PACS2: variants seen among roughly 807,000 people sequenced by gnomAD.
The protein encoded by PACS2 is phosphofurin acidic cluster sorting protein 2.
In PACS2, 36 loss-of-function variants were observed where a neutral mutation model predicts 113.0. That is an observed-to-expected ratio of 0.32 (90% CI 0.24 to 0.42). The LOEUF (loss-of-function observed/expected upper bound fraction) is 0.42, where lower values mean the gene tolerates loss of function less well. Ranked by LOEUF, PACS2 falls within the 10% of genes least tolerant of loss-of-function variation. The pLI is 1.00. For missense variants in PACS2, 1,015 were observed against 1,239.5 expected (o/e 0.82, Z 2.72); for synonymous variants, 589 against 536.1 (o/e 1.10, Z -1.36).
rs1375519152 is a variant in PACS2 at position 105,397,926 on chromosome 14, G to A, written c.*3254G>A. Reference sequence around the variant, plus strand: ...GGCTTGCTGGGCACCTCTGGAATCTGACCCTGTGGGCCAAAGAAGCACCAC... The same window carrying A: ...GGCTTGCTGGGCACCTCTGGAATCTAACCCTGTGGGCCAAAGAAGCACCAC... On this transcript the variant is annotated 3_prime_UTR_variant, in exon 25 of 25. Transcript: ENST00000447393. 2 of 152,236 alleles carry A rather than the reference G, an allele frequency of 1.3e-5. No homozygotes were observed. The highest frequency in any genetic ancestry group is 2.4e-5 in the African/African-American group (1 of 41,436). 9.4% of individuals were successfully genotyped at this position (152,236 alleles called of 1,614,324 possible).
At chr14:105,349,978 C>A (rs1186493314) in intron 2 of PACS2, among the ~76,000 whole-genome samples, 1 of 148,506 alleles carries the variant, frequency 6.7e-6, no homozygotes, top group African/African-American at 2.5e-5. Flanking sequence ...ACCCCGAGAA[C>A]TTCCGGGAGC....
rs587711492 is a variant in PACS2 at position 105,323,131 on chromosome 14, C to T, written c.119+8094C>T. ...CATGGTGGGTCCTGGTGTGGGTTCT[C>T]TTGTGATTGCCTGAGTCGGGGTTAC... On this transcript the variant is annotated intron_variant, in intron 1 of 24. Transcript: ENST00000447393. This position sits in a 1 kb window ranked among gnomAD's most constrained non-coding sequence, Gnocchi z 4.1. Among the ~76,000 whole-genome samples, 1 of 152,306 alleles carries T rather than the reference C, an allele frequency of 6.6e-6. No homozygotes were observed. Among genetic ancestry groups the T allele is most frequent in the African/African-American group, 2.4e-5 (1 of 41,568 alleles).
intron 7 of PACS2, 58 bp downstream of exon 7, chr14:105,368,597 G>A (rs911066522): frequency 1.0e-4 from 137 of 1,365,100 alleles, no homozygotes; most frequent in Non-Finnish European, 1.4e-4. Context: ...GAGGACGCTG[G>A]GAGCCTGGGC....
chr14:105,304,635 G>C (rs2058129111), intron 1 of PACS2, among the ~76,000 whole-genome samples: 1 of 151,996 alleles, frequency 6.6e-6, no homozygotes, highest in South Asian at 2.1e-4. Flanking sequence ...CATTGTATCA[G>C]TCTGTTTTCA....
intron 1 of PACS2, among the ~76,000 whole-genome samples, chr14:105,341,065 C>T (rs1283742773): frequency 6.6e-6 from 1 of 152,260 alleles, no homozygotes; most frequent in Non-Finnish European, 1.5e-5. Context: ...CTGAGACCTG[C>T]AGTGCCTGCA....
chr14:105,328,969 G>A (rs372121722), intron 1 of PACS2, among the ~76,000 whole-genome samples: 1 of 152,336 alleles, frequency 6.6e-6, no homozygotes, highest in East Asian at 1.9e-4. Flanking sequence ...CGGAAAATTT[G>A]TAGCAACAGA....
chr14:105,327,311 G>A (rs1020396125), intron 1 of PACS2, among the ~76,000 whole-genome samples: 11 of 152,212 alleles, frequency 7.2e-5, no homozygotes, highest in Non-Finnish European at 1.2e-4. Flanking sequence ...GGGGATGTGC[G>A]CGGCCAGGTC....
intron 1 of PACS2, among the ~76,000 whole-genome samples, chr14:105,316,938 G>C (rs2058680705): frequency 6.6e-6 from 1 of 152,188 alleles, no homozygotes; most frequent in Non-Finnish European, 1.5e-5. Flanking sequence ...GATGCAGTTT[G>C]TTCGTAGGAC....
chr14:105,312,367 C>T (rs1228525522), upstream of PACS2, among the ~76,000 whole-genome samples: 1 of 152,240 alleles, frequency 6.6e-6, no homozygotes, highest in Non-Finnish European at 1.5e-5. Flanking sequence ...CCGGGGACCC[C>T]GGGCAGCACG....
At chr14:105,384,526 G>T (rs1555413080) in intron 17 of PACS2, 63 bp downstream of exon 17, 8 of 1,041,220 alleles carry the variant, frequency 7.7e-6, no homozygotes, top group Non-Finnish European at 1.2e-5. Context: ...GGTTTCCCCA[G>T]ATGCTGTGCC....
chr14:105,380,146 G>A lies in PACS2; in HGVS notation c.1117G>A (p.Val373Met). Reference sequence around the variant, plus strand: ...GCCGAGCGACAGTGTCTCTGACACGGTGGCCCTCGTAAGCAGGCTTGGGCC... The same window carrying A: ...GCCGAGCGACAGTGTCTCTGACACGATGGCCCTCGTAAGCAGGCTTGGGCC... ...RQPSDSVSDT[V>M]ALGVPGPREH... Residue 373 changes from valine to methionine, a missense_variant, in exon 11 of 25, where the codon GTG (valine) becomes ATG (methionine). By Grantham distance (21) the Val-to-Met change is conservative (BLOSUM62 1). Around this residue, in one of 3 missense-constraint regions of PACS2, gnomAD observed 859 missense variants for 1,056.8 expected, o/e 0.81. Coordinates refer to ENST00000447393, the MANE Select transcript of PACS2 (RefSeq NM_001100913.3). The A allele has an allele frequency of 6.4e-7, 1 of 1,551,808 alleles. No individual in the cohort carries two copies. Among genetic ancestry groups the A allele is most frequent in the Non-Finnish European group, 8.7e-7 (1 of 1,147,440 alleles).
intron 1 of PACS2, among the ~76,000 whole-genome samples, chr14:105,319,539 A>G (rs2058808071): frequency 1.3e-5 from 2 of 152,370 alleles, no homozygotes; most frequent in African/African-American, 2.4e-5. Context: ...TGATTTTTCA[A>G]AGAAATCAGT....
At chr14:105,302,729 G>C (rs2058078003) in intron 1 of PACS2, among the ~76,000 whole-genome samples, 1 of 152,170 alleles carries the variant, frequency 6.6e-6, no homozygotes. Context: ...GGAACTACAG[G>C]CATGTGCCAC....
rs1360033081 is a variant in PACS2 at position 105,358,681 on chromosome 14, A to G, written c.423+3504A>G. On this transcript the variant is annotated intron_variant, in intron 4 of 24. Transcript: ENST00000447393. The surrounding 1 kb of genome is among the most constrained non-coding windows in gnomAD (Gnocchi z 4.9). ...TGCGGTGGTGGCTGAGGGAGCAGCC[A>G]TGCTTCTTTGCACAGCCGGACTCCT... Among the ~76,000 whole-genome samples, 2 of 152,172 alleles carry G rather than the reference A, an allele frequency of 1.3e-5. No homozygotes were observed. Among genetic ancestry groups the G allele is most frequent in the African/African-American group, 2.4e-5 (1 of 41,446 alleles).
At chr14:105,322,178 C>T (rs147833079) in intron 1 of PACS2, among the ~76,000 whole-genome samples, 2,186 of 149,908 alleles carry the variant, frequency 0.015, 59 homozygotes, top group African/African-American at 0.051. Context: ...CCTCGTGATC[C>T]GCCCGCCTTG....
intron 22 of PACS2, 180 bp from the exon 23 acceptor site, chr14:105,392,439 T>G: frequency 1.6e-6 from 1 of 607,100 alleles, no homozygotes; most frequent in South Asian, 2.0e-5. Context: ...GCAGGACCCT[T>G]GTGGGGGTGA....
Position 105,383,398 on chromosome 14 carries a change from C to A in PACS2, c.1665C>A (p.Ile555=). ...CCCAGCCCCCGACCCCCGTGAAGAT[C>A]GCCGTGGCGGGAGCGCAGCATTACC... is the stretch of plus-strand genomic sequence containing the variant. ...CNSQPPTPVK[I]AVAGAQHYLS... is the part of the protein sequence containing the mutation. The change falls in exon 16 of 25, where the codon ATC becomes ATA. Residue 555 remains isoleucine, a synonymous_variant. Transcript: ENST00000447393. 1.2e-6 allele frequency: 2 copies of A among 1,609,212 alleles called. No individual in the cohort carries two copies. Among genetic ancestry groups the A allele is most frequent in the Non-Finnish European group, 1.7e-6 (2 of 1,179,950 alleles).
chr14:105,390,964 T>C (rs1482235835), intron 20 of PACS2: 3 of 575,738 alleles, frequency 5.2e-6, no homozygotes, highest in African/African-American at 1.9e-5. Context: ...GGGCCGACTT[T>C]AGAGAGAGCA....
chr14:105,307,700 T>C (rs1265711051), intron 1 of PACS2, among the ~76,000 whole-genome samples: 1 of 152,212 alleles, frequency 6.6e-6, no homozygotes, highest in Middle Eastern at 3.2e-3. Flanking sequence ...GGCAAGTGCT[T>C]CAATCTCTCT....
Sources: allele counts gnomAD v4.1 joint callset (sites outside exome capture counted in the v4.1 genomes callset), GRCh38; gene constraint gnomAD v4.1.1; regional missense constraint gnomAD v4.1.1; non-coding constraint Gnocchi (gnomAD v3.1); transcripts MANE v1.5; gene names NCBI Gene and HGNC (gene_info 2026-07-23, HGNC 2026-07-21).